The following ZNF846 variants were observed in gnomAD, a reference collection of about 807,000 sequenced individuals.
ZNF846 encodes the protein zinc finger protein 420 pseudogene.
ZNF846 carries 15 observed loss-of-function variants against 16.0 expected under a neutral mutation model. The ratio of observed to expected loss-of-function variants is 0.94; its 90% CI spans 0.63 to 1.45. The LOEUF is 1.45. Among genes scored for constraint, ZNF846 ranks in the 40% most tolerant of loss-of-function variants. The pLI is 0.00. For synonymous variants in ZNF846, 229 were observed against 212.0 expected (o/e 1.08, Z -0.70); for missense variants, 714 against 622.3 (o/e 1.15, Z -1.57).
upstream of ZNF846, among the ~76,000 whole-genome samples, chr19:9,770,048 C>T (rs1299570559): frequency 6.7e-6 from 1 of 150,146 alleles, no homozygotes; most frequent in Non-Finnish European, 1.5e-5. Context: ...ACATTCAGTT[C>T]CTTCTTTAGG....
At chr19:9,780,048 G>GTTTTTTTTT (rs558280116) in intron 1 of ZNF846, among the ~76,000 whole-genome samples, 7 of 124,312 alleles carry the variant, frequency 5.6e-5, no homozygotes, top group African/African-American at 1.4e-4. Flanking sequence ...AGCTAATTTT[G>GTTTTTTTTT]TTTTTTTTTT....
chr19:9,765,913 A>C (rs1401599409), intron 1 of ZNF846, among the ~76,000 whole-genome samples: 1 of 152,014 alleles, frequency 6.6e-6, no homozygotes, highest in Non-Finnish European at 1.5e-5. Context: ...TTATTAAATA[A>C]ATAAATAAAC....
At chr19:9,768,998 C>T (rs1218244698), upstream of ZNF846, among the ~76,000 whole-genome samples, 1 of 152,208 alleles carries the variant, frequency 6.6e-6, no homozygotes, top group Non-Finnish European at 1.5e-5. Flanking sequence ...ACTGGCGCAG[C>T]GGGCGGGGCA....
chr19:9,753,259 T>TA (rs1019171491), downstream of ZNF846, among the ~76,000 whole-genome samples: 5 of 141,536 alleles, frequency 3.5e-5, no homozygotes, highest in Admixed American at 3.8e-4. Context: ...TTTATTTATT[T>TA]ATTTATTTTT....
At position 9,761,348 on chromosome 19, in the gene ZNF846, T is replaced by TA. The variant is rs34244173; in HGVS notation, c.229+733dup. On this transcript the variant is annotated intron_variant, in intron 4 of 5. Transcript: ENST00000397902. ...TTTCCAAACATGCATAAAACATGATTAAAAAAAAAAAGAGTGAAGCAAATG... is the reference window on the plus strand; with the variant it reads ...TTTCCAAACATGCATAAAACATGATTAAAAAAAAAAAAGAGTGAAGCAAATG... 3.0e-3 allele frequency among the ~76,000 whole-genome samples: 445 copies of TA among 147,058 alleles called. 7 individuals are homozygous for TA. The highest frequency in any genetic ancestry group is 0.021 in the Middle Eastern group (6 of 284).
downstream of ZNF846, among the ~76,000 whole-genome samples, chr19:9,754,564 T>TAA (rs545236944): frequency 0.022 from 1,971 of 88,586 alleles, 48 homozygotes; most frequent in African/African-American, 0.051. Context: ...GACTCTGTCT[T>TAA]AAAAAAAAAA....
Position 9,774,770 on chromosome 19 carries a change from G to C in ZNF846, c.-85-9735C>G, listed in dbSNP as rs897808734. 15 of 1,573,680 alleles carry C rather than the reference G, an allele frequency of 9.5e-6. No individual in the cohort carries two copies. In the African/African-American group the frequency reaches 1.8e-4, roughly 19 times the overall value. On this transcript the variant is annotated intron_variant, in intron 1 of 4. Coordinates refer to the ZNF846 transcript ENST00000586814. ...GCAGGTCTGTCTGTCAGTAATTAGTGCTGAAAACTGGAAGCCAGCAACCAA... is the reference window on the plus strand; with the variant it reads ...GCAGGTCTGTCTGTCAGTAATTAGTCCTGAAAACTGGAAGCCAGCAACCAA...
At chr19:9,756,609 C>T (rs1212576370), downstream of ZNF846, 1 of 151,026 alleles carries the variant, frequency 6.6e-6, no homozygotes, top group African/African-American at 2.5e-5. Flanking sequence ...AAGGCTGTCC[C>T]AGATTTCTTA....
intron 1 of ZNF846, among the ~76,000 whole-genome samples, chr19:9,781,106 C>T (rs534798764): frequency 3.0e-4 from 46 of 152,234 alleles, no homozygotes; most frequent in South Asian, 2.7e-3. Flanking sequence ...AACCTTGCCT[C>T]CTCTGGAGAA....
At chr19:9,759,547 G>A (rs1456256624) in intron 5 of ZNF846, among the ~76,000 whole-genome samples, 4 of 151,704 alleles carry the variant, frequency 2.6e-5, no homozygotes, top group Non-Finnish European at 4.4e-5. Context: ...AGGTTGCAGT[G>A]AGCCAAGACT....
chr19:9,782,792 G>C lies in ZNF846; in HGVS notation c.-86+3146C>G, dbSNP rs2045514743. Among the ~76,000 whole-genome samples the C allele has an allele frequency of 3.3e-5, 5 of 152,170 alleles. No homozygotes were observed. In the South Asian group the frequency reaches 1.0e-3, roughly 31 times the overall value. On this transcript the variant is annotated intron_variant, in intron 1 of 4. Transcript: ENST00000586814. ...CTGGGATATAATTTTGGTTAAATAG[G>C]ACACCATATGCATTTGAAAGGAACA...
downstream of ZNF846, among the ~76,000 whole-genome samples, chr19:9,757,194 C>CAAA (rs34789194): frequency 1.6e-5 from 2 of 128,486 alleles, no homozygotes; most frequent in South Asian, 2.5e-4. Context: ...GACTCTGTCT[C>CAAA]AAAAAAAAAA....
chr19:9,774,915 C>A lies in ZNF846; in HGVS notation c.-85-9880G>T, dbSNP rs1337793143. Reference sequence around the variant, plus strand: ...GACCGTAAAAAATTCTGTAAGAATGCTGAAGAGTTTACAAAGAAATATGGG... The same window carrying A: ...GACCGTAAAAAATTCTGTAAGAATGATGAAGAGTTTACAAAGAAATATGGG... On this transcript the variant is annotated intron_variant, in intron 1 of 4. Transcript: ENST00000586814. 3.7e-6 allele frequency: 6 copies of A among 1,609,400 alleles called. No individual in the cohort carries two copies. In the Admixed American group the frequency reaches 1.0e-4, roughly 27 times the overall value.
chr19:9,750,881 C>T (rs559031566), downstream of ZNF846, among the ~76,000 whole-genome samples: 41 of 152,246 alleles, frequency 2.7e-4, no homozygotes, highest in African/African-American at 8.2e-4. Flanking sequence ...GCCAAGGCCT[C>T]GATTTACTCA....
chr19:9,783,218 CTTTTTTTT>C (rs74183307), intron 1 of ZNF846, among the ~76,000 whole-genome samples: 118 of 65,382 alleles, frequency 1.8e-3, no homozygotes, highest in African/African-American at 6.5e-3. Flanking sequence ...CCCTATAATT[CTTTTTTTT>C]TTTTTTTTTT....
upstream of ZNF846, among the ~76,000 whole-genome samples, chr19:9,768,946 G>T (rs2045363739): frequency 6.6e-6 from 1 of 152,144 alleles, no homozygotes; most frequent in African/African-American, 2.4e-5. Context: ...GAACGACGCC[G>T]GACCAGGAAA....
At chr19:9,775,053 C>A in intron 1 of ZNF846, 2 of 1,108,628 alleles carry the variant, frequency 1.8e-6, no homozygotes, top group Non-Finnish European at 2.6e-6. Flanking sequence ...GAAATTGACA[C>A]GTGCCACCGC....
intron 4 of ZNF846, among the ~76,000 whole-genome samples, chr19:9,761,710 CAAA>C (rs56126532): frequency 1.8e-5 from 2 of 110,280 alleles, no homozygotes. Context: ...GACTCCATCT[CAAA>C]AAAAAAAAAA....
intron 1 of ZNF846, among the ~76,000 whole-genome samples, chr19:9,777,509 A>C (rs1436110665): frequency 6.6e-6 from 1 of 151,394 alleles, no homozygotes; most frequent in Non-Finnish European, 1.5e-5. Flanking sequence ...CGTCTCTACT[A>C]AAAATACAAA....
Sources: gnomAD v4.1 joint callset for allele counts (sites outside exome capture counted in the v4.1 genomes callset) on GRCh38, gnomAD v4.1.1 for gene constraint, MANE v1.5 for transcripts, NCBI Gene and HGNC (gene_info 2026-07-23, HGNC 2026-07-21) for gene names.